Variants in DHDDS observed in about 807,000 individuals in gnomAD.
DHDDS encodes dehydrodolichyl diphosphate synthase complex subunit DHDDS.
DHDDS carries 16 observed loss-of-function variants against 46.2 expected under a neutral mutation model. The observed-to-expected ratio is 0.35, with a 90% CI of 0.23 to 0.53. The LOEUF (loss-of-function observed/expected upper bound fraction) is 0.53, where lower values mean the gene tolerates loss of function less well. Ranked by LOEUF, DHDDS falls within the 20% of genes least tolerant of loss-of-function variation. The pLI, the probability that DHDDS is intolerant of heterozygous loss-of-function variation, is 0.94. For synonymous variants in DHDDS, 151 were observed against 163.1 expected (o/e 0.93, Z 0.56); for missense variants, 340 against 423.7 (o/e 0.80, Z 1.73).
chr1:26,449,934 A>T (rs1376575851), intron 6 of DHDDS, among the ~76,000 whole-genome samples: 1 of 152,196 alleles, frequency 6.6e-6, no homozygotes, highest in Non-Finnish European at 1.5e-5. Flanking sequence ...TCCAGTTGAA[A>T]AGGGTCAGCA....
chr1:26,438,098 G>A (rs1297630238), intron 2 of DHDDS, 70 bp from the exon 3 acceptor site: 2 of 1,502,430 alleles, frequency 1.3e-6, no homozygotes, highest in Non-Finnish European at 1.9e-6. Flanking sequence ...ATATCACCTT[G>A]GGGTGTAGTG....
In DHDDS at chr1:26,460,117, G is replaced by A. The variant is rs369614880; in HGVS notation, c.738G>A (p.Gln246=). 3.1e-6 allele frequency: 5 copies of A among 1,614,032 alleles called. No homozygotes were observed. Among genetic ancestry groups the A allele is most frequent in the Non-Finnish European group, 4.2e-6 (5 of 1,180,008 alleles). The change falls in exon 8 of 9, where the codon CAG becomes CAA. Residue 246 remains glutamine (Q), a synonymous_variant. Transcript: ENST00000236342. ...TFWNLFEAIL[Q]FQMNHSVLQK... is the part of the protein sequence containing the mutation. ...GGAACCTCTTCGAGGCCATCCTGCA[G>A]TTCCAGATGAACCATAGCGTGCTTC...
chr1:26,455,780 C>T (rs1476424388), intron 6 of DHDDS, among the ~76,000 whole-genome samples: 1 of 152,138 alleles, frequency 6.6e-6, no homozygotes, highest in East Asian at 1.9e-4. Flanking sequence ...TAAAGACACA[C>T]AACTAGTAAG....
chr1:26,460,246 T>G, intron 8 of DHDDS, 102 bp downstream of exon 8: 1 of 896,436 alleles, frequency 1.1e-6, no homozygotes, highest in South Asian at 1.3e-5. Flanking sequence ...CCTAATAAGA[T>G]GATGATAATG....
intron 8 of DHDDS, among the ~76,000 whole-genome samples, chr1:26,461,222 G>A (rs1353621186): frequency 6.6e-6 from 1 of 152,088 alleles, no homozygotes. Flanking sequence ...ATGCCAGGAG[G>A]AAATAATGAT....
intron 2 of DHDDS, among the ~76,000 whole-genome samples, chr1:26,436,013 G>A (rs973279915): frequency 5.3e-5 from 8 of 150,878 alleles, no homozygotes; most frequent in Admixed American, 4.0e-4. Context: ...GCCTCCCAAA[G>A]TGCTGGGATT....
chr1:26,437,047 G>A (rs1370725620), intron 2 of DHDDS, among the ~76,000 whole-genome samples: 1 of 151,986 alleles, frequency 6.6e-6, no homozygotes, highest in Non-Finnish European at 1.5e-5. Context: ...GCAGGTGCCT[G>A]TAGTCACAGC....
intron 8 of DHDDS, chr1:26,467,600 G>A (rs2075505356): frequency 3.5e-6 from 1 of 287,830 alleles, no homozygotes; most frequent in South Asian, 3.2e-5. Context: ...GGTCAAGTGA[G>A]GCAACAGATG....
chr1:26,453,103 C>T lies in DHDDS; in HGVS notation c.543-4688C>T, dbSNP rs1030280912. 1.1e-3 allele frequency among the ~76,000 whole-genome samples: 172 copies of T among 152,006 alleles called. 1 individual carries two copies. Among genetic ancestry groups the T allele is most frequent in the African/African-American group, 3.8e-3 (158 of 41,478 alleles). The stretch of plus-strand genomic sequence containing the variant: ...TGAAACCCTGTCTGAAACACACACA[C>T]ACACACACACACACACACACTCACT... On this transcript the variant is annotated intron_variant, in intron 6 of 8. Coordinates refer to ENST00000236342, the MANE Select transcript of DHDDS (RefSeq NM_205861.3).
At chr1:26,457,953 C>T (rs778556231) in intron 7 of DHDDS, 48 bp downstream of exon 7, 2 of 1,514,492 alleles carry the variant, frequency 1.3e-6, no homozygotes, top group Non-Finnish European at 1.8e-6. Context: ...GGGAAACCAA[C>T]TGTATCCACA....
chr1:26,468,518 G>A (rs1050233472), intron 8 of DHDDS, among the ~76,000 whole-genome samples: 1 of 152,154 alleles, frequency 6.6e-6, no homozygotes, highest in African/African-American at 2.4e-5. Context: ...CTTCAAGGTA[G>A]GCACAACCCC....
At chr1:26,459,205 A>G (rs2075399841) in intron 7 of DHDDS, among the ~76,000 whole-genome samples, 1 of 152,232 alleles carries the variant, frequency 6.6e-6, no homozygotes, top group Admixed American at 6.5e-5. Context: ...GTCACTTTGA[A>G]GAAGAAACAA....
intron 6 of DHDDS, among the ~76,000 whole-genome samples, chr1:26,450,075 T>A (rs914875506): frequency 6.6e-6 from 1 of 152,158 alleles, no homozygotes; most frequent in Non-Finnish European, 1.5e-5. Context: ...TTTATCTCTG[T>A]CGCCAGTATG....
intron 6 of DHDDS, among the ~76,000 whole-genome samples, chr1:26,453,831 G>A (rs1032610430): frequency 2.0e-4 from 31 of 152,204 alleles, no homozygotes; most frequent in African/African-American, 7.2e-4. Context: ...AATCATTTCC[G>A]AAAAGTCTTC....
intron 1 of DHDDS, 167 bp from the exon 2 acceptor site, chr1:26,432,724 G>A (rs2075116247): frequency 3.4e-6 from 2 of 582,732 alleles, no homozygotes; most frequent in African/African-American, 3.7e-5. Flanking sequence ...GCCTCCAGAG[G>A]TCACATTGCG....
intron 6 of DHDDS, chr1:26,447,944 A>T (rs1015222321): frequency 3.4e-6 from 2 of 589,360 alleles, no homozygotes; most frequent in African/African-American, 3.7e-5. Context: ...GGATCTCCCA[A>T]ATTTAGAGAT....
rs752410692 is a variant in DHDDS, at chr1:26,469,063, G to C, written c.934G>C (p.Gly312Arg). ...LSARREERVQ[G>R]FLQALELKRA... is the part of the protein sequence containing the mutation. ...GGCCAGACGGGAAGAGCGAGTCCAA[G>C]GCTTCCTGCAGGCCTTGGAACTCAA... The change falls in exon 9 of 9, where the codon GGC becomes CGC. Residue 312 changes from glycine to arginine, a missense_variant. Physicochemically the swap from Gly to Arg is moderately radical, Grantham distance 125. Around this residue, in one of 2 missense-constraint regions of DHDDS, gnomAD observed 268 missense variants for 300.3 expected, o/e 0.89. Coordinates refer to ENST00000236342, the MANE Select transcript of DHDDS (RefSeq NM_205861.3). The C allele has an allele frequency of 6.2e-7, 1 of 1,613,742 alleles. No individual in the cohort carries two copies. Among genetic ancestry groups the C allele is most frequent in the Admixed American group, 1.7e-5 (1 of 60,032 alleles).
intron 7 of DHDDS, among the ~76,000 whole-genome samples, chr1:26,458,192 G>A (rs2075389157): frequency 6.6e-6 from 1 of 152,208 alleles, no homozygotes; most frequent in Non-Finnish European, 1.5e-5. Flanking sequence ...CTCTTGCCTT[G>A]GTAACCTGCC....
intron 6 of DHDDS, 184 bp downstream of exon 6, chr1:26,447,844 A>C (rs1162422974): frequency 3.0e-6 from 2 of 672,274 alleles, no homozygotes; most frequent in Non-Finnish European, 5.4e-6. Context: ...ACAACAACAA[A>C]AAAGCAGGCC....
Sources: gnomAD v4.1 joint callset for allele counts (sites outside exome capture counted in the v4.1 genomes callset) on GRCh38, gnomAD v4.1.1 for gene constraint, gnomAD v4.1.1 regional missense constraint, MANE v1.5 for transcripts, NCBI Gene and HGNC (gene_info 2026-07-23, HGNC 2026-07-21) for gene names.